The following PRKACA variants were observed in gnomAD, a reference collection of about 807,000 sequenced individuals.
PRKACA encodes cAMP-dependent protein kinase catalytic subunit alpha.
In PRKACA, 9 loss-of-function variants were observed where a neutral mutation model predicts 45.8. That is an observed-to-expected ratio of 0.20 (90% CI 0.12 to 0.34). The LOEUF is 0.34. Among genes scored for constraint, PRKACA ranks in the 10% least tolerant of loss-of-function variants. The pLI is 1.00. For missense variants in PRKACA, 238 were observed against 458.6 expected (o/e 0.52, Z 4.39); for synonymous variants, 160 against 178.6 (o/e 0.90, Z 0.83).
At position 14,091,771 on chromosome 19, in the gene PRKACA, C is replaced by T. The variant is rs1290913704; in HGVS notation, c.*1341G>A. On this transcript the variant is annotated 3_prime_UTR_variant, in exon 10 of 10. Transcript: ENST00000308677. ...CTGTTCAAGAGGAAGTCTCGTCCTT[C>T]GCAGCACACAGGTTGAATCGCCCCC... 6.6e-6 allele frequency: 1 copy of T among 152,544 alleles called. No individual in the cohort carries two copies. Among genetic ancestry groups the T allele is most frequent in the East Asian group, 1.9e-4 (1 of 5,198 alleles). The allele number at this position is 152,544 out of a possible 1,614,324, so 9.4% of individuals were successfully genotyped here.
At chr19:14,114,833 G>A (rs944416720) in intron 1 of PRKACA, among the ~76,000 whole-genome samples, 2 of 152,178 alleles carry the variant, frequency 1.3e-5, no homozygotes, top group Non-Finnish European at 2.9e-5. Flanking sequence ...CTTGGGAGGA[G>A]GCGGACTCTG....
chr19:14,107,843 T>C (rs1192083839), intron 1 of PRKACA: 2 of 995,358 alleles, frequency 2.0e-6, no homozygotes, highest in East Asian at 1.1e-4. Flanking sequence ...CAGGTGCCCT[T>C]GGGGGGCTCA....
chr19:14,109,999 T>TATATATATATAC (rs1555774928), intron 1 of PRKACA, among the ~76,000 whole-genome samples: 5 of 55,466 alleles, frequency 9.0e-5, no homozygotes, highest in Non-Finnish European at 1.2e-4. Flanking sequence ...TATATATATA[T>TATATATATATAC]ACACACACAC....
intron 8 of PRKACA, among the ~76,000 whole-genome samples, chr19:14,095,096 G>A (rs571864974): frequency 6.6e-6 from 1 of 152,160 alleles, no homozygotes; most frequent in Admixed American, 6.6e-5. Flanking sequence ...AGGGAGTCAT[G>A]TGCATCTTCT....
chr19:14,098,684 C>CG (rs1292510886), intron 5 of PRKACA, among the ~76,000 whole-genome samples: 2 of 150,870 alleles, frequency 1.3e-5, no homozygotes, highest in South Asian at 2.1e-4. Flanking sequence ...TTAGTAGAGA[C>CG]GGGGTTTCAC....
chr19:14,093,042 A>ATCC lies in PRKACA; in HGVS notation c.*69_*70insGGA. On this transcript the variant is annotated 3_prime_UTR_variant, in exon 10 of 10. Transcript: ENST00000308677. ...TGGGGCCCTCTGGCTGTTCAATCCA[A>ATCC]CCCTCCCACCCCCCCGACCAAAAAA... 1 of 179,798 alleles carries ATCC rather than the reference A, an allele frequency of 5.6e-6. No homozygotes were observed. Among genetic ancestry groups the ATCC allele is most frequent in the East Asian group, 1.2e-4 (1 of 8,178 alleles). 11.1% of individuals were successfully genotyped at this position (179,798 alleles called of 1,614,324 possible).
Position 14,117,303 on chromosome 19 carries a change from C to A in PRKACA, c.46+199G>T, listed in dbSNP as rs538275988. On this transcript the variant is annotated intron_variant, in intron 1 of 9. Transcript: ENST00000308677. ...GGAGCACGGTCTTTGCAGCATGGGG[C>A]GGCCCTAGGGGAAGGGGACCCCTAC... Among the ~76,000 whole-genome samples, 4 of 147,578 alleles carry A rather than the reference C, an allele frequency of 2.7e-5. No individual in the cohort carries two copies. The East Asian group carries it at 6.1e-4, about 22-fold the overall frequency.
At position 14,106,824 on chromosome 19, in the gene PRKACA, A is replaced by G; in HGVS notation, c.173T>C (p.Val58Ala). The G allele has an allele frequency of 6.2e-7, 1 of 1,614,026 alleles. No homozygotes were observed. Among genetic ancestry groups the G allele is most frequent in the Non-Finnish European group, 8.5e-7 (1 of 1,179,984 alleles). The change falls in exon 3 of 10, where the codon GTG (valine) becomes GCG (alanine). Residue 58 changes from valine to alanine, a missense_variant. Physicochemically the swap from Val to Ala is moderately conservative, Grantham distance 64. Around this residue, in one of 3 missense-constraint regions of PRKACA, gnomAD observed 93 missense variants for 149.1 expected, o/e 0.62. Coordinates refer to ENST00000308677, the MANE Select transcript of PRKACA (RefSeq NM_002730.4). ...GGTCTCCTTGTGTTTCACCAGCATCACCCGCCCGAAGGAGCCCGTGCCGAG... is the reference window on the plus strand; with the variant it reads ...GGTCTCCTTGTGTTTCACCAGCATCGCCCGCCCGAAGGAGCCCGTGCCGAG... ...KTLGTGSFGR[V>A]MLVKHKETGN...
chr19:14,110,551 G>A lies in PRKACA; in HGVS notation c.47-3142C>T, dbSNP rs1966937581. ...TGAGCCATTACACTGCAGGCTGGGT[G>A]ACAGAGTGAGGCCCTGTCTCAAAAA... On this transcript the variant is annotated intron_variant, in intron 1 of 9. Coordinates refer to ENST00000308677, the MANE Select transcript of PRKACA (RefSeq NM_002730.4). Among the ~76,000 whole-genome samples, 3 of 151,904 alleles carry A rather than the reference G, an allele frequency of 2.0e-5. No homozygotes were observed. The South Asian group carries it at 6.2e-4, about 32-fold the overall frequency.
Position 14,101,061 on chromosome 19 carries a change from T to A in PRKACA, c.337-153A>T, listed in dbSNP as rs922635019. 3.2e-5 allele frequency: 21 copies of A among 657,004 alleles called. No individual in the cohort carries two copies. In the South Asian group the frequency reaches 3.6e-4, roughly 11 times the overall value. The allele number at this position is 657,004 out of a possible 1,614,324, so 40.7% of individuals were successfully genotyped here. ...TCATGTTCTACAGGGGCGACCCTTA[T>A]CCTGCTGTTAATGGGTGAAAGTGAG... is the stretch of plus-strand genomic sequence containing the variant. On this transcript the variant is annotated intron_variant, in intron 4 of 9. Transcript: ENST00000308677.
chr19:14,101,819 T>C (rs1222666093), intron 4 of PRKACA, among the ~76,000 whole-genome samples: 1 of 136,926 alleles, frequency 7.3e-6, no homozygotes, highest in African/African-American at 2.8e-5. Context: ...TGAGATCGCA[T>C]CATTGCACTC....
intron 5 of PRKACA, among the ~76,000 whole-genome samples, chr19:14,098,814 G>GAA (rs78905737): frequency 4.4e-5 from 4 of 90,662 alleles, no homozygotes; most frequent in Non-Finnish European, 7.1e-5. Context: ...TATGTTATTG[G>GAA]AAAAAAAAAA....
intron 8 of PRKACA, among the ~76,000 whole-genome samples, chr19:14,094,088 T>C (rs1977174905): frequency 6.6e-6 from 1 of 151,362 alleles, no homozygotes; most frequent in Admixed American, 6.6e-5. Context: ...GGTCTTGAAC[T>C]TCTAGGCTCA....
At chr19:14,101,512 G>A (rs1384982834) in intron 4 of PRKACA, among the ~76,000 whole-genome samples, 1 of 152,092 alleles carries the variant, frequency 6.6e-6, no homozygotes, top group Non-Finnish European at 1.5e-5. Flanking sequence ...GTTGTGAGCT[G>A]TAATTGCGCC....
chr19:14,096,225 T>C (rs1317778601), intron 8 of PRKACA: 1 of 151,858 alleles, frequency 6.6e-6, no homozygotes, highest in Non-Finnish European at 1.5e-5. Flanking sequence ...TGTGTGTTTT[T>C]AGTAGAGACG....
chr19:14,113,162 C>T (rs957323158), intron 1 of PRKACA, among the ~76,000 whole-genome samples: 11 of 152,034 alleles, frequency 7.2e-5, no homozygotes, highest in African/African-American at 2.7e-4. Flanking sequence ...CTTGGCTCTA[C>T]TCTCGGCCAT....
chr19:14,107,379 T>C lies in PRKACA; in HGVS notation c.77A>G (p.Asp26Gly). Residue 26 changes from aspartate to glycine, a missense_variant, in exon 2 of 10, where the codon GAT becomes GGT. Transcript: ENST00000308677. ...VKEFLAKAKE[D>G]FLKKWESPAQ... ...GGGACTTTCCCATTTTTTAAGAAAA[T>C]CTTCTTTGGCTTTGGCTAAGAATTC... The C allele has an allele frequency of 1.2e-6, 2 of 1,614,130 alleles. No homozygotes were observed. The highest frequency in any genetic ancestry group is 1.7e-6 in the Non-Finnish European group (2 of 1,179,986).
In PRKACA at chr19:14,106,900, G is replaced by A; in HGVS notation, c.109-12C>T. 1 of 1,614,032 alleles carries A rather than the reference G, an allele frequency of 6.2e-7. No individual in the cohort carries two copies. The highest frequency in any genetic ancestry group is 8.5e-7 in the Non-Finnish European group (1 of 1,179,944). On this transcript the variant is annotated splice_polypyrimidine_tract_variant and intron_variant, in intron 2 of 9. Coordinates refer to ENST00000308677, the MANE Select transcript of PRKACA (RefSeq NM_002730.4). The stretch of plus-strand genomic sequence containing the variant: ...AAGTGGGCTGTGTTCTGTGGGCAGA[G>A]GGGTCGGTAGGCTCAGGGCACGCCC...
chr19:14,102,779 T>C (rs373556806), intron 4 of PRKACA, 37 bp downstream of exon 4: 42 of 1,552,954 alleles, frequency 2.7e-5, no homozygotes, highest in African/African-American at 4.1e-5. Flanking sequence ...TGGGACCCAA[T>C]GCAGTGACCC....
Sources: gnomAD v4.1 joint callset for allele counts (sites outside exome capture counted in the v4.1 genomes callset) on GRCh38, gnomAD v4.1.1 for gene constraint, gnomAD v4.1.1 regional missense constraint, MANE v1.5 for transcripts, NCBI Gene and HGNC (gene_info 2026-07-23, HGNC 2026-07-21) for gene names.